Variants in RYR2 observed in about 807,000 individuals in gnomAD.
RYR2 encodes the protein cardiac muscle ryanodine receptor-calcium release channel.
RYR2 carries 227 observed loss-of-function variants against 601.1 expected under a neutral mutation model. The observed-to-expected ratio is 0.38, with a 90% CI of 0.34 to 0.42. The LOEUF is 0.42. Among genes scored for constraint, RYR2 ranks in the 10% least tolerant of loss-of-function variants. The pLI is 1.00. For synonymous variants in RYR2, 2,223 were observed against 2,175.1 expected, an observed-to-expected ratio of 1.02 and a Z score of -0.61; for missense variants, 4,646 against 6,156.5, an observed-to-expected ratio of 0.75 and a Z score of 8.21.
chr1:237,421,214 GGGTGACA>G (rs1705536332), intron 11 of RYR2, among the ~76,000 whole-genome samples: 1 of 152,170 alleles, frequency 6.6e-6, no homozygotes, highest in African/African-American at 2.4e-5. Flanking sequence ...ACTCCAGCCT[GGGTGACA>G]GAGCGAGACT....
intron 2 of RYR2, among the ~76,000 whole-genome samples, chr1:237,312,446 C>T: frequency 6.6e-6 from 1 of 152,120 alleles, no homozygotes; most frequent in East Asian, 1.9e-4. Context: ...GTTAAGTGTC[C>T]CGCACTTGCA....
At chr1:237,144,892 A>C (rs538512586) in intron 1 of RYR2, among the ~76,000 whole-genome samples, 2 of 152,282 alleles carry the variant, frequency 1.3e-5, no homozygotes, top group African/African-American at 4.8e-5. Context: ...GGTATCCCCT[A>C]TTCCACCCTC....
At chr1:237,795,260 AT>A in intron 95 of RYR2, 28 bp from the exon 96 acceptor site, 1 of 1,103,088 alleles carries the variant, frequency 9.1e-7, no homozygotes, top group Non-Finnish European at 1.3e-6. Flanking sequence ...AAATAATACT[AT>A]TTACTTCTAT....
rs17631087 is a variant in RYR2 at position 237,388,324 on chromosome 1, C to T, written c.773+141C>T. 0.011 allele frequency: 7,867 copies of T among 689,124 alleles called. 77 individuals carry two copies. The highest frequency in any genetic ancestry group is 0.024 in the Middle Eastern group (66 of 2,760). 42.7% of individuals were successfully genotyped at this position (689,124 alleles called of 1,614,324 possible). A position where few individuals can be genotyped will look rare whatever the true frequency, so the allele number is the denominator to read the frequency against. On this transcript the variant is annotated intron_variant, in intron 10 of 104. Transcript: ENST00000366574. ...CATTCATTGATTCACTGAAGTGATC[C>T]ATTTGTTGCCCCCTCTTAGCTTTTT...
chr1:237,552,365 GT>G (rs1670485576), intron 27 of RYR2, among the ~76,000 whole-genome samples: 1 of 152,000 alleles, frequency 6.6e-6, no homozygotes, highest in African/African-American at 2.4e-5. Context: ...AATAGAAATT[GT>G]TTTAAAAACA....
chr1:237,406,167 T>TCCCTCCCCTCCCCTC (rs1703856889), intron 10 of RYR2, among the ~76,000 whole-genome samples: 1 of 33,648 alleles, frequency 3.0e-5, no homozygotes, highest in Non-Finnish European at 4.9e-5. Context: ...TCCCTTCCCT[T>TCCCTCCCCTCCCCTC]CCCTTCCCTC....
chr1:237,511,851 A>C (rs1044060561), intron 24 of RYR2, 60 bp downstream of exon 24: 3 of 858,556 alleles, frequency 3.5e-6, no homozygotes, highest in Non-Finnish European at 3.2e-6. Flanking sequence ...AAAAAAAAAA[A>C]AAAAAAAACA....
chr1:237,674,680 C>T (rs1247944656), intron 59 of RYR2, 51 bp from the exon 60 acceptor site: 6 of 957,346 alleles, frequency 6.3e-6, no homozygotes, highest in Non-Finnish European at 1.0e-5. Context: ...ATTTTACCTT[C>T]TAAGAGGCTT....
chr1:237,233,821 C>T (rs1009775079), intron 1 of RYR2, among the ~76,000 whole-genome samples: 13 of 151,806 alleles, frequency 8.6e-5, no homozygotes, highest in Admixed American at 3.9e-4. Context: ...CACCCAGCTG[C>T]GATGACAGGG....
intron 2 of RYR2, among the ~76,000 whole-genome samples, chr1:237,328,462 T>G (rs1395774514): frequency 6.6e-6 from 1 of 152,188 alleles, no homozygotes; most frequent in Non-Finnish European, 1.5e-5. Context: ...ACTGCAGACT[T>G]TAAATGCAGT....
intron 87 of RYR2, among the ~76,000 whole-genome samples, chr1:237,773,887 C>T (rs1385134902): frequency 2.0e-5 from 3 of 152,098 alleles, no homozygotes; most frequent in Admixed American, 6.6e-5. Context: ...TCTATTGTAC[C>T]TCCAGGGCCT....
rs78352392 is a variant in RYR2 at position 237,672,026 on chromosome 1, T to A, written c.8591-2070T>A. On this transcript the variant is annotated intron_variant, in intron 58 of 104. Coordinates refer to ENST00000366574, the MANE Select transcript of RYR2 (RefSeq NM_001035.3). ...CTGCTCACTCATTTACCTCTCCATG[T>A]AGCTGATTTCCTTCAGCACAAGATG... 9.1e-3 allele frequency among the ~76,000 whole-genome samples: 1,389 copies of A among 152,270 alleles called. 16 individuals carry two copies. The highest frequency in any genetic ancestry group is 0.028 in the African/African-American group (1,151 of 41,550).
intron 1 of RYR2, among the ~76,000 whole-genome samples, chr1:237,258,100 C>T (rs1388728343): frequency 2.8e-5 from 4 of 144,982 alleles, no homozygotes; most frequent in African/African-American, 7.7e-5. Flanking sequence ...CCCAGGAGGT[C>T]GAGGTTGCAG....
intron 13 of RYR2, among the ~76,000 whole-genome samples, chr1:237,442,941 T>C (rs2150154352): frequency 6.6e-6 from 1 of 152,332 alleles, no homozygotes; most frequent in African/African-American, 2.4e-5. Context: ...ACTTAAATTG[T>C]TGGAAAACTT....
At chr1:237,061,803 T>G (rs896916791) in intron 1 of RYR2, among the ~76,000 whole-genome samples, 23 of 145,784 alleles carry the variant, frequency 1.6e-4, no homozygotes, top group South Asian at 1.3e-3. Context: ...TGGTTTGTGG[T>G]TTTTTTTTTG....
chr1:237,575,853 A>C (rs969469423), intron 29 of RYR2, among the ~76,000 whole-genome samples: 1 of 152,202 alleles, frequency 6.6e-6, no homozygotes, highest in East Asian at 1.9e-4. Flanking sequence ...CGAATTTATC[A>C]TCATTCGAAG....
intron 1 of RYR2, among the ~76,000 whole-genome samples, chr1:237,177,396 T>C (rs1001569229): frequency 2.0e-5 from 3 of 152,238 alleles, no homozygotes; most frequent in African/African-American, 7.2e-5. Context: ...AGTGGTTCTC[T>C]GTAAGCATTT....
chr1:237,569,132 G>A lies in RYR2; in HGVS notation c.3424-13G>A, dbSNP rs770738850. ...TTAGTCTGTGACAAGGGACTTTTCT[G>A]TCCTCTGTATAGGCCCAGCGGTGGC... On this transcript the variant is annotated splice_polypyrimidine_tract_variant and intron_variant, in intron 28 of 104. Coordinates refer to ENST00000366574, the MANE Select transcript of RYR2 (RefSeq NM_001035.3). 1 of 1,603,458 alleles carries A rather than the reference G, an allele frequency of 6.2e-7. No homozygotes were observed. Among genetic ancestry groups the A allele is most frequent in the South Asian group, 1.1e-5 (1 of 90,182 alleles).
intron 56 of RYR2, among the ~76,000 whole-genome samples, chr1:237,663,102 T>C (rs79683349): frequency 0.023 from 3,542 of 152,274 alleles, 158 homozygotes; most frequent in African/African-American, 0.08. Context: ...TGGGGAGCAA[T>C]ATACACCAAA....
Sources: allele counts gnomAD v4.1 joint callset (sites outside exome capture counted in the v4.1 genomes callset), GRCh38; gene constraint gnomAD v4.1.1; transcripts MANE v1.5; gene names NCBI Gene and HGNC (gene_info 2026-07-23, HGNC 2026-07-21).